The following GALNT13 variants were observed in gnomAD, a reference collection of about 807,000 sequenced individuals.
GALNT13 encodes the protein UDP-GalNAc:polypeptide N-acetylgalactosaminyltransferase 13.
In GALNT13, 28 loss-of-function variants were observed where a neutral mutation model predicts 64.2. That is an observed-to-expected ratio of 0.44 (90% CI 0.32 to 0.60). The LOEUF (loss-of-function observed/expected upper bound fraction) is 0.60, where lower values mean the gene tolerates loss of function less well. Among genes scored for constraint, GALNT13 ranks in the 20% least tolerant of loss-of-function variants. The probability of loss-of-function intolerance (pLI) is 0.05; values close to 1 mark genes in which losing one functional copy is unlikely to be tolerated. For synonymous variants in GALNT13, 214 were observed against 224.6 expected (o/e 0.95, Z 0.42); for missense variants, 577 against 669.8 (o/e 0.86, Z 1.53).
chr2:154,294,469 TG>T (rs1411842486), intron 8 of GALNT13, among the ~76,000 whole-genome samples: 1 of 152,216 alleles, frequency 6.6e-6, no homozygotes, highest in African/African-American at 2.4e-5. Flanking sequence ...CTGTTCTGTG[TG>T]CACGTTCAGG....
At chr2:154,411,147 A>G (rs1404324365) in intron 11 of GALNT13, among the ~76,000 whole-genome samples, 1 of 151,888 alleles carries the variant, frequency 6.6e-6, no homozygotes, top group Non-Finnish European at 1.5e-5. Context: ...TTATTTTCAT[A>G]GTAACTAAAA....
the GALNT13 span, among the ~76,000 whole-genome samples, chr2:153,409,078 T>C: frequency 6.6e-6 from 1 of 152,018 alleles, no homozygotes; most frequent in African/African-American, 2.4e-5. Flanking sequence ...CTTACACTAG[T>C]GGTTTACTAG....
the GALNT13 span, among the ~76,000 whole-genome samples, chr2:153,850,953 A>G: frequency 3.0e-3 from 452 of 152,314 alleles, 3 homozygotes; most frequent in African/African-American, 0.01. Flanking sequence ...TGATGGTTTC[A>G]ACACCCTTTT....
intron 9 of GALNT13, among the ~76,000 whole-genome samples, chr2:154,333,791 T>G (rs6761176): frequency 1.8e-4 from 27 of 148,490 alleles, no homozygotes; most frequent in African/African-American, 6.2e-4. Flanking sequence ...ATTAAAATGA[T>G]GACTATTTCT....
At chr2:153,316,180 T>A in the GALNT13 span, among the ~76,000 whole-genome samples, 1 of 151,156 alleles carries the variant, frequency 6.6e-6, no homozygotes, top group Non-Finnish European at 1.5e-5. Flanking sequence ...TTGATGAGGA[T>A]GTGGGGCAAT....
At chr2:154,330,314 T>C (rs1369264858) in intron 9 of GALNT13, among the ~76,000 whole-genome samples, 1 of 152,108 alleles carries the variant, frequency 6.6e-6, no homozygotes, top group East Asian at 1.9e-4. Context: ...TTCGTTAGTA[T>C]AACACCCTCA....
At chr2:154,194,129 C>T (rs910242974) in intron 4 of GALNT13, among the ~76,000 whole-genome samples, 1 of 152,266 alleles carries the variant, frequency 6.6e-6, no homozygotes, top group Admixed American at 6.5e-5. Context: ...AGAGGTAAGT[C>T]TCATCATGTG....
At chr2:154,297,830 T>C (rs138905074) in intron 8 of GALNT13, among the ~76,000 whole-genome samples, 10 of 152,310 alleles carry the variant, frequency 6.6e-5, no homozygotes, top group East Asian at 1.9e-4. Flanking sequence ...TGTGTATTTA[T>C]TGGTTTGACT....
the GALNT13 span, among the ~76,000 whole-genome samples, chr2:153,723,658 C>G: frequency 1.2e-4 from 18 of 152,024 alleles, no homozygotes; most frequent in African/African-American, 4.4e-4. Context: ...TATACACCAA[C>G]AACAAACAAA....
chr2:154,027,094 A>G (rs1698018772), intron 3 of GALNT13, among the ~76,000 whole-genome samples: 1 of 152,180 alleles, frequency 6.6e-6, no homozygotes, highest in Non-Finnish European at 1.5e-5. Flanking sequence ...AAAGTATTAA[A>G]TGATATGTAG....
At chr2:153,689,101 T>TG in the GALNT13 span, among the ~76,000 whole-genome samples, 30 of 149,944 alleles carry the variant, frequency 2.0e-4, no homozygotes, top group African/African-American at 7.1e-4. Flanking sequence ...TGTGTGTGTG[T>TG]TTAGCGTTAG....
At chr2:153,533,723 C>CTTTTGTTTTTT in the GALNT13 span, among the ~76,000 whole-genome samples, 2 of 48,732 alleles carry the variant, frequency 4.1e-5, no homozygotes, top group Non-Finnish European at 7.1e-5. Context: ...TGAGGTTTTT[C>CTTTTGTTTTTT]TTTTTTTTTT....
At chr2:154,155,194 T>A (rs1191799871) in intron 4 of GALNT13, among the ~76,000 whole-genome samples, 1 of 152,106 alleles carries the variant, frequency 6.6e-6, no homozygotes, top group African/African-American at 2.4e-5. Context: ...TTCTCACTTC[T>A]ATTTCATCTT....
intron 4 of GALNT13, among the ~76,000 whole-genome samples, chr2:154,161,487 G>A (rs1374949630): frequency 6.6e-6 from 1 of 152,136 alleles, no homozygotes; most frequent in Admixed American, 6.5e-5. Context: ...GATTACGTGG[G>A]TGGCTGAGAC....
chr2:153,575,869 G>A, the GALNT13 span, among the ~76,000 whole-genome samples: 2 of 152,092 alleles, frequency 1.3e-5, no homozygotes, highest in African/African-American at 4.8e-5. Context: ...GTACTTGAAG[G>A]CAGCCCATCT....
At chr2:153,803,977 C>T in the GALNT13 span, among the ~76,000 whole-genome samples, 1 of 152,156 alleles carries the variant, frequency 6.6e-6, no homozygotes, top group South Asian at 2.1e-4. Context: ...CCTACCTTTT[C>T]ATCCCTCGAA....
chr2:153,325,310 G>A, the GALNT13 span, among the ~76,000 whole-genome samples: 1 of 151,876 alleles, frequency 6.6e-6, no homozygotes, highest in African/African-American at 2.4e-5. Context: ...ATTCTTTGAT[G>A]GTAGTTTGTA....
At chr2:153,480,162 A>G in the GALNT13 span, among the ~76,000 whole-genome samples, 2 of 152,196 alleles carry the variant, frequency 1.3e-5, no homozygotes, top group African/African-American at 4.8e-5. Context: ...AATTAAAAAT[A>G]AAATAAAACT....
the GALNT13 span, among the ~76,000 whole-genome samples, chr2:153,723,663 A>G: frequency 6.6e-6 from 1 of 152,026 alleles, no homozygotes; most frequent in East Asian, 1.9e-4. Flanking sequence ...ACCAACAACA[A>G]ACAAACAGAG....
Sources: allele counts gnomAD v4.1 joint callset (sites outside exome capture counted in the v4.1 genomes callset), GRCh38; gene constraint gnomAD v4.1.1; transcripts MANE v1.5; gene names NCBI Gene and HGNC (gene_info 2026-07-23, HGNC 2026-07-21).